The following ZFHX3 variants were observed in gnomAD, a reference collection of about 807,000 sequenced individuals.
The protein encoded by ZFHX3 is zinc finger homeobox protein 3.
Under a neutral mutation model 279.1 loss-of-function variants are expected in ZFHX3, and 42 were observed. The observed-to-expected ratio is 0.15, with a 90% CI of 0.12 to 0.19. The LOEUF (loss-of-function observed/expected upper bound fraction) is 0.19, where lower values mean the gene tolerates loss of function less well. Ranked by LOEUF, ZFHX3 falls within the 10% of genes least tolerant of loss-of-function variation. The pLI is 1.00. For synonymous variants in ZFHX3, 2,293 were observed against 1,957.8 expected (o/e 1.17, Z -4.52); for missense variants, 4,981 against 4,754.0 (o/e 1.05, Z -1.40).
chr16:73,208,944 A>T (rs905766043), intron 5 of ZFHX3, among the ~76,000 whole-genome samples: 1 of 152,172 alleles, frequency 6.6e-6, no homozygotes, highest in Non-Finnish European at 1.5e-5. Context: ...TCATCCTTTT[A>T]TTGGGTTTTG....
At chr16:73,011,040 G>C (rs1248717293) in intron 1 of ZFHX3, among the ~76,000 whole-genome samples, 1 of 152,130 alleles carries the variant, frequency 6.6e-6, no homozygotes, top group Non-Finnish European at 1.5e-5. Context: ...GGAGTACAGT[G>C]GCGTGATCTT....
At chr16:73,820,468 A>T (rs1251324294) in intron 1 of ZFHX3, among the ~76,000 whole-genome samples, 1 of 152,030 alleles carries the variant, frequency 6.6e-6, no homozygotes, top group African/African-American at 2.4e-5. Context: ...CTGCCATACC[A>T]TGAGATTCAC....
At chr16:73,770,410 A>G (rs1399634365) in intron 1 of ZFHX3, among the ~76,000 whole-genome samples, 1 of 152,234 alleles carries the variant, frequency 6.6e-6, no homozygotes, top group Non-Finnish European at 1.5e-5. Context: ...AAAGTCCAGA[A>G]CTATATAAAA....
intron 1 of ZFHX3, among the ~76,000 whole-genome samples, chr16:73,846,357 A>T (rs1961448164): frequency 6.6e-6 from 1 of 152,192 alleles, no homozygotes; most frequent in South Asian, 2.1e-4. Context: ...TCGAGGGAAA[A>T]CATGAATGAG....
chr16:72,978,009 C>A lies in ZFHX3; in HGVS notation c.-49-17815G>T, dbSNP rs111505743. Among the ~76,000 whole-genome samples the A allele has an allele frequency of 6.7e-3, 1,017 of 152,174 alleles. 20 individuals are homozygous for A. The highest frequency in any genetic ancestry group is 0.024 in the African/African-American group (978 of 41,532). ...CCTCCTGAGTAGCTGGGACCACAGG[C>A]GCACACCACCATGCCCAGCTAATTT... On this transcript the variant is annotated intron_variant, in intron 1 of 9. Transcript: ENST00000268489.
intron 3 of ZFHX3, among the ~76,000 whole-genome samples, chr16:72,910,022 T>G (rs901618125): frequency 3.9e-5 from 6 of 152,166 alleles, no homozygotes; most frequent in African/African-American, 1.2e-4. Context: ...TCAACTTCAC[T>G]GCTTGTTTTC....
chr16:73,599,744 A>AAAC (rs1555527362), intron 2 of ZFHX3, among the ~76,000 whole-genome samples: 4 of 151,250 alleles, frequency 2.6e-5, no homozygotes, highest in Non-Finnish European at 4.4e-5. Context: ...AAAAAAAAAA[A>AAAC]AACAACAACC....
At chr16:73,184,876 A>C (rs1967876588) in intron 5 of ZFHX3, among the ~76,000 whole-genome samples, 1 of 152,206 alleles carries the variant, frequency 6.6e-6, no homozygotes. Context: ...CCTGAGAAAC[A>C]TTCATTGATT....
At chr16:72,922,286 A>C (rs112015002) in intron 3 of ZFHX3, among the ~76,000 whole-genome samples, 4 of 152,116 alleles carry the variant, frequency 2.6e-5, no homozygotes, top group Non-Finnish European at 5.9e-5. Flanking sequence ...TTCTGCACTC[A>C]GCTGAAGGAG....
intron 3 of ZFHX3, among the ~76,000 whole-genome samples, chr16:73,373,821 C>T (rs1465284136): frequency 6.6e-6 from 1 of 152,214 alleles, no homozygotes; most frequent in Non-Finnish European, 1.5e-5. Flanking sequence ...GAAAGTGTAG[C>T]TGGAAATTTT....
chr16:73,462,396 AC>A (rs1210364256), intron 2 of ZFHX3, among the ~76,000 whole-genome samples: 1 of 151,970 alleles, frequency 6.6e-6, no homozygotes, highest in East Asian at 1.9e-4. Context: ...TTATCTGTGT[AC>A]CTTTGATTTC....
rs1284059380 is a variant in ZFHX3 at position 72,950,732 on chromosome 16, G to T, written c.2953C>A (p.Gln985Lys). The T allele has an allele frequency of 6.2e-7, 1 of 1,614,216 alleles. No homozygotes were observed. Residue 985 changes from glutamine to lysine, a missense_variant, in exon 3 of 10, where the codon CAG (glutamine) becomes AAG (lysine). Coordinates refer to ENST00000268489, the MANE Select transcript of ZFHX3 (RefSeq NM_006885.4). ...GTGTTGTAGCGGCAGAGCTTGCACTGGTATGAGTCCCCCATCACCGCCTTC... is the reference window on the plus strand; with the variant it reads ...GTGTTGTAGCGGCAGAGCTTGCACTTGTATGAGTCCCCCATCACCGCCTTC... ...EWKAVMGDSY[Q>K]CKLCRYNTQL...
chr16:73,192,833 C>T (rs1179441113), intron 5 of ZFHX3, among the ~76,000 whole-genome samples: 2 of 152,176 alleles, frequency 1.3e-5, no homozygotes, highest in African/African-American at 4.8e-5. Context: ...CTTCCCTCTC[C>T]TTTTTCTTGT....
At position 73,532,098 on chromosome 16, in the gene ZFHX3, TA is replaced by T. The variant is rs796511682; in HGVS notation, c.-1546-75841del. 1.0e-3 allele frequency among the ~76,000 whole-genome samples: 147 copies of T among 146,050 alleles called. 1 individual carries two copies. Among genetic ancestry groups the T allele is most frequent in the African/African-American group, 3.0e-3 (121 of 39,974 alleles). ...GTGAGACCCTGTCTCTAAAAAAGAT[TA>T]AAAAAAAAAACAAAGACAGAATATT... On this transcript the variant is annotated intron_variant, in intron 2 of 17. Transcript: ENST00000641206.
chr16:73,667,536 A>G (rs1196922917), intron 2 of ZFHX3, among the ~76,000 whole-genome samples: 1 of 152,234 alleles, frequency 6.6e-6, no homozygotes, highest in Non-Finnish European at 1.5e-5. Flanking sequence ...GTATTCCACC[A>G]GCATGTATGA....
At position 72,784,525 on chromosome 16, in the gene ZFHX3, C is replaced by A. The variant is rs1165338593; in HGVS notation, c.*2639G>T. ...TATGGTACAGACACAGAGTAACATA[C>A]AACAGTTAAATGGCAAAAAATATAT... On this transcript the variant is annotated 3_prime_UTR_variant, in exon 10 of 10. Transcript: ENST00000268489. The A allele has an allele frequency of 6.6e-6, 1 of 151,454 alleles. No individual in the cohort carries two copies. The highest frequency in any genetic ancestry group is 2.4e-5 in the African/African-American group (1 of 41,114). 9.4% of individuals were successfully genotyped at this position (151,454 alleles called of 1,614,324 possible). A position where few individuals can be genotyped will look rare whatever the true frequency, so the allele number is the denominator to read the frequency against.
intron 2 of ZFHX3, among the ~76,000 whole-genome samples, chr16:73,636,197 T>C (rs1362788743): frequency 1.3e-5 from 2 of 152,218 alleles, no homozygotes; most frequent in Non-Finnish European, 2.9e-5. Context: ...TCCAACTGTG[T>C]ATTACTAGAC....
chr16:73,091,838 C>T (rs1966087006), intron 8 of ZFHX3, among the ~76,000 whole-genome samples: 1 of 152,188 alleles, frequency 6.6e-6, no homozygotes, highest in Non-Finnish European at 1.5e-5. Context: ...TTTCGAGACG[C>T]TAGAATGTGA....
chr16:73,065,053 G>A (rs1305623711), intron 8 of ZFHX3, among the ~76,000 whole-genome samples: 1 of 152,248 alleles, frequency 6.6e-6, no homozygotes, highest in African/African-American at 2.4e-5. Context: ...GGATTTCCAA[G>A]GGCATAACTT....
Sources: gnomAD v4.1 joint callset for allele counts (sites outside exome capture counted in the v4.1 genomes callset) on GRCh38, gnomAD v4.1.1 for gene constraint, MANE v1.5 for transcripts, NCBI Gene and HGNC (gene_info 2026-07-23, HGNC 2026-07-21) for gene names.